SLC6A5: variants seen among roughly 807,000 people sequenced by gnomAD.
SLC6A5 encodes solute carrier family 6 member 5.
Under a neutral mutation model 90.5 loss-of-function variants are expected in SLC6A5, and 58 were observed. That is an observed-to-expected ratio of 0.64 (90% CI 0.52 to 0.80). SLC6A5 has a LOEUF of 0.80. Ranked by LOEUF, SLC6A5 falls within the 30% of genes least tolerant of loss-of-function variation. The probability of loss-of-function intolerance (pLI) is 0.00; values close to 1 mark genes in which losing one functional copy is unlikely to be tolerated. For missense variants in SLC6A5, 1,015 were observed against 1,017.6 expected (o/e 1.00, Z 0.03); for synonymous variants, 427 against 401.4 (o/e 1.06, Z -0.76).
chr11:20,632,719 T>C (rs1201358225), intron 10 of SLC6A5, among the ~76,000 whole-genome samples: 1 of 152,164 alleles, frequency 6.6e-6, no homozygotes, highest in African/African-American at 2.4e-5. Flanking sequence ...ATGGAGGCTC[T>C]GCAGAATACA....
At chr11:20,651,073 A>C (rs1590183862) in intron 14 of SLC6A5, among the ~76,000 whole-genome samples, 1 of 151,662 alleles carries the variant, frequency 6.6e-6, no homozygotes. Context: ...CCCGGGGACC[A>C]CTCTGTGTCT....
At chr11:20,642,582 C>G (rs895035248) in intron 13 of SLC6A5, among the ~76,000 whole-genome samples, 1 of 152,178 alleles carries the variant, frequency 6.6e-6, no homozygotes, top group South Asian at 2.1e-4. Context: ...GGTCATACAG[C>G]AGGCAAGTCC....
chr11:20,611,913 T>C (rs1338033008), intron 5 of SLC6A5, among the ~76,000 whole-genome samples: 1 of 152,168 alleles, frequency 6.6e-6, no homozygotes, highest in East Asian at 1.9e-4. Context: ...TTTGGAATTC[T>C]GGGGTGACTT....
intron 9 of SLC6A5, 56 bp downstream of exon 9, chr11:20,628,139 G>A: frequency 7.4e-7 from 1 of 1,355,458 alleles, no homozygotes; most frequent in Non-Finnish European, 1.1e-6. Context: ...CAGAAGAATG[G>A]ACTGAGTTAT....
At chr11:20,641,314 T>A (rs1853309074) in intron 13 of SLC6A5, among the ~76,000 whole-genome samples, 1 of 152,152 alleles carries the variant, frequency 6.6e-6, no homozygotes, top group Non-Finnish European at 1.5e-5. Context: ...GTGGTCTTGA[T>A]CTGTTTTCCA....
intron 7 of SLC6A5, among the ~76,000 whole-genome samples, chr11:20,623,377 T>C (rs1852929248): frequency 6.6e-6 from 1 of 152,170 alleles, no homozygotes; most frequent in South Asian, 2.1e-4. Context: ...CTTCTCTTTC[T>C]CTCACACTCC....
intron 15 of SLC6A5, among the ~76,000 whole-genome samples, chr11:20,653,383 C>T (rs559998575): frequency 3.2e-4 from 49 of 152,266 alleles, no homozygotes; most frequent in African/African-American, 1.1e-3. Flanking sequence ...CAAGCCCCCT[C>T]GTTAGCGAAG....
intron 13 of SLC6A5, among the ~76,000 whole-genome samples, chr11:20,643,663 A>G (rs1364538162): frequency 1.3e-5 from 2 of 152,192 alleles, no homozygotes; most frequent in Non-Finnish European, 2.9e-5. Context: ...CCACTGTACC[A>G]TGTTTGTGAC....
intron 2 of SLC6A5, among the ~76,000 whole-genome samples, chr11:20,604,066 C>T (rs1400964678): frequency 1.3e-5 from 2 of 152,012 alleles, no homozygotes; most frequent in African/African-American, 4.8e-5. Context: ...GAATTGAGGA[C>T]CTGCTTGCTG....
chr11:20,649,415 T>C (rs1853481434), intron 14 of SLC6A5, among the ~76,000 whole-genome samples: 5 of 152,168 alleles, frequency 3.3e-5, no homozygotes, highest in Admixed American at 3.3e-4. Flanking sequence ...TTATCTCTCA[T>C]GGCCAGTCCC....
rs1853670536 is a variant in SLC6A5 at position 20,659,072 on chromosome 11, TATATATA to T, written c.*4205_*4211del. On this transcript the variant is annotated 3_prime_UTR_variant, in exon 16 of 16. Transcript: ENST00000525748. Reference sequence around the variant, plus strand: ...GATGCATCATATATATATATATATATATATATATATCTTATAGATTACATATTATATA... The same window carrying T: ...GATGCATCATATATATATATATATATTATCTTATAGATTACATATTATATA... 3 of 148,716 alleles carry T rather than the reference TATATATA, an allele frequency of 2.0e-5. No individual in the cohort carries two copies. In the South Asian group the frequency reaches 6.3e-4, roughly 31 times the overall value. 9.2% of individuals were successfully genotyped at this position (148,716 alleles called of 1,614,324 possible). A position where few individuals can be genotyped will look rare whatever the true frequency, so the allele number is the denominator to read the frequency against.
intron 14 of SLC6A5, among the ~76,000 whole-genome samples, chr11:20,649,577 T>C (rs1853484114): frequency 6.6e-6 from 1 of 152,204 alleles, no homozygotes; most frequent in Admixed American, 6.5e-5. Context: ...CCATTTGCCC[T>C]TCTATAAAAT....
At chr11:20,626,352 T>C (rs1201475830) in intron 7 of SLC6A5, among the ~76,000 whole-genome samples, 1 of 152,132 alleles carries the variant, frequency 6.6e-6, no homozygotes, top group African/African-American at 2.4e-5. Context: ...GGTGGAATTT[T>C]GGTGCTCTAG....
intron 10 of SLC6A5, among the ~76,000 whole-genome samples, chr11:20,631,634 G>A (rs1211035898): frequency 4.0e-5 from 6 of 151,390 alleles, no homozygotes; most frequent in South Asian, 2.1e-4. Flanking sequence ...ATTTCATTGT[G>A]TCTGTTGTTT....
chr11:20,613,652 CTTTTTTTTTT>C (rs3045403), intron 5 of SLC6A5, among the ~76,000 whole-genome samples: 1 of 126,414 alleles, frequency 7.9e-6, no homozygotes, highest in East Asian at 2.3e-4. Context: ...CTAAATAATT[CTTTTTTTTTT>C]TTTTTTTTTT....
At chr11:20,630,969 C>G (rs1012420155) in intron 10 of SLC6A5, among the ~76,000 whole-genome samples, 154 bp downstream of exon 10, 1 of 152,134 alleles carries the variant, frequency 6.6e-6, no homozygotes, top group Non-Finnish European at 1.5e-5. Context: ...AAGGCAGGCT[C>G]AAGTAGGAAG....
At position 20,646,736 on chromosome 11, in the gene SLC6A5, C is replaced by G. The variant is rs769401230; in HGVS notation, c.1970-98C>G. 9 of 819,252 alleles carry G rather than the reference C, an allele frequency of 1.1e-5. No homozygotes were observed. The African/African-American group carries it at 1.5e-4, about 14-fold the overall frequency. 50.7% of individuals were successfully genotyped at this position (819,252 alleles called of 1,614,324 possible). Reference sequence around the variant, plus strand: ...ATACAGGGCTGGGGCCAGCCCTAGCCAATGGTGCTTGAGTGAGGGGCTCTA... The same window carrying G: ...ATACAGGGCTGGGGCCAGCCCTAGCGAATGGTGCTTGAGTGAGGGGCTCTA... On this transcript the variant is annotated intron_variant, in intron 13 of 15. Transcript: ENST00000525748.
intron 14 of SLC6A5, 75 bp downstream of exon 14, chr11:20,647,009 A>G (rs978845077): frequency 2.1e-5 from 21 of 976,962 alleles, no homozygotes; most frequent in African/African-American, 4.8e-5. Context: ...TGAACAGTGC[A>G]TGCCTGTTTA....
At position 20,601,628 on chromosome 11, in the gene SLC6A5, C is replaced by A. The variant is rs1217156846; in HGVS notation, c.503C>A (p.Ser168Tyr). The stretch of plus-strand genomic sequence containing the variant: ...GTGCTGGCCACGGATGGAATCACGT[C>A]CGTGCTCCCGGGCAGCGTGGCCACC... ...TVVLATDGIT[S>Y]VLPGSVATVA... Residue 168 changes from serine (S) to tyrosine (Y), a missense_variant, in exon 2 of 16, where the codon TCC becomes TAC. By Grantham distance (144) the Ser-to-Tyr change is moderately radical. This residue lies in a region of SLC6A5 where 567 missense variants were observed against 507.3 expected (regional missense o/e 1.12). Coordinates refer to ENST00000525748, the MANE Select transcript of SLC6A5 (RefSeq NM_004211.5). 3 of 1,614,082 alleles carry A rather than the reference C, an allele frequency of 1.9e-6. No homozygotes were observed. The highest frequency in any genetic ancestry group is 2.5e-6 in the Non-Finnish European group (3 of 1,179,982).
Sources: allele counts gnomAD v4.1 joint callset (sites outside exome capture counted in the v4.1 genomes callset), GRCh38; gene constraint gnomAD v4.1.1; regional missense constraint gnomAD v4.1.1; transcripts MANE v1.5; gene names NCBI Gene and HGNC (gene_info 2026-07-23, HGNC 2026-07-21).